Variants in SPACA7 observed in about 807,000 individuals in gnomAD.
SPACA7 encodes sperm acrosome-associated protein 7.
Under a neutral mutation model 26.3 loss-of-function variants are expected in SPACA7, and 19 were observed. The ratio of observed to expected loss-of-function variants is 0.72; its 90% CI spans 0.50 to 1.06. The LOEUF (loss-of-function observed/expected upper bound fraction) is 1.06, where lower values mean the gene tolerates loss of function less well. Among genes scored for constraint, SPACA7 ranks in the 50% least tolerant of loss-of-function variants. The pLI, the probability that SPACA7 is intolerant of heterozygous loss-of-function variation, is 0.00. For missense variants in SPACA7, 211 were observed against 229.9 expected (o/e 0.92, Z 0.53); for synonymous variants, 84 against 84.5 (o/e 0.99, Z 0.04).
intron 1 of SPACA7, among the ~76,000 whole-genome samples, chr13:112,386,296 C>T (rs2138884681): frequency 6.6e-6 from 1 of 152,254 alleles, no homozygotes; most frequent in South Asian, 2.1e-4. Flanking sequence ...TACTATTAGC[C>T]ACCCCTTAAA....
chr13:112,399,185 C>T lies in SPACA7; in HGVS notation c.349+12C>T, dbSNP rs757804294. 7.5e-7 allele frequency: 1 copy of T among 1,334,558 alleles called. No homozygotes were observed. The highest frequency in any genetic ancestry group is 1.1e-6 in the Non-Finnish European group (1 of 925,066). 82.7% of individuals were successfully genotyped at this position (1,334,558 alleles called of 1,614,324 possible). On this transcript the variant is annotated intron_variant, in intron 4 of 6. Transcript: ENST00000283550. ...AATTTCCAATGATGGTAAATGCAAC[C>T]CAGTAATTACCCCTTCCCAAGTCCA...
At chr13:112,415,997 C>T (rs776074552) in intron 5 of SPACA7, among the ~76,000 whole-genome samples, 1 of 151,976 alleles carries the variant, frequency 6.6e-6, no homozygotes, top group Non-Finnish European at 1.5e-5. Flanking sequence ...ACACTCACTT[C>T]CCTCCCTCTC....
chr13:112,422,863 G>T (rs1876120245), intron 5 of SPACA7, among the ~76,000 whole-genome samples: 1 of 152,132 alleles, frequency 6.6e-6, no homozygotes, highest in Non-Finnish European at 1.5e-5. Flanking sequence ...AATAGAAAAA[G>T]TGTTCTTGGA....
rs78881703 is a variant in SPACA7 at position 112,414,903 on chromosome 13, G to C, written c.445+13739G>C. Among the ~76,000 whole-genome samples the C allele has an allele frequency of 2.7e-3, 411 of 152,300 alleles. 3 individuals are homozygous for C. Among genetic ancestry groups the C allele is most frequent in the African/African-American group, 9.3e-3 (387 of 41,568 alleles). On this transcript the variant is annotated intron_variant, in intron 5 of 6. Coordinates refer to ENST00000283550, the MANE Select transcript of SPACA7 (RefSeq NM_145248.5). ...ACTGGTGCCTGGGCATTGAAAGTTAGATATTTATTCCAGTCATCACATGGG... is the reference window on the plus strand; with the variant it reads ...ACTGGTGCCTGGGCATTGAAAGTTACATATTTATTCCAGTCATCACATGGG...
At chr13:112,379,702 T>A (rs990947381) in intron 1 of SPACA7, among the ~76,000 whole-genome samples, 2 of 152,246 alleles carry the variant, frequency 1.3e-5, no homozygotes, top group Non-Finnish European at 2.9e-5. Flanking sequence ...TAGTTTAACA[T>A]CTTTCTTTTC....
At chr13:112,422,330 C>G (rs941419477) in intron 5 of SPACA7, among the ~76,000 whole-genome samples, 2 of 152,096 alleles carry the variant, frequency 1.3e-5, no homozygotes, top group African/African-American at 4.8e-5. Context: ...TAAAAGCAGA[C>G]AAATCTATAG....
In SPACA7 at chr13:112,376,462, C is replaced by T. The variant is rs777305307; in HGVS notation, c.77C>T (p.Pro26Leu). ...TGTTGGCAAGAAACTGAGCTCCGGC[C>T]GAGAACCGTGATTCCAGGTAGGGCC... ...LCCWQETELR[P>L]RTVIPGSPTE... Residue 26 changes from proline to leucine, a missense_variant, in exon 1 of 7, where the codon CCG becomes CTG. Transcript: ENST00000283550. The T allele has an allele frequency of 1.1e-5, 18 of 1,613,208 alleles. No individual in the cohort carries two copies. The highest frequency in any genetic ancestry group is 3.3e-4 in the Middle Eastern group (2 of 6,082).
chr13:112,416,964 G>A lies in SPACA7; in HGVS notation c.446-15480G>A, dbSNP rs563176322. Among the ~76,000 whole-genome samples, 9 of 151,974 alleles carry A rather than the reference G, an allele frequency of 5.9e-5. No individual in the cohort carries two copies. The East Asian group carries it at 1.7e-3, about 29-fold the overall frequency. On this transcript the variant is annotated intron_variant, in intron 5 of 6. Coordinates refer to ENST00000283550, the MANE Select transcript of SPACA7 (RefSeq NM_145248.5). ...AATCTTTAGACTCTTGTATGTTTAA[G>A]TTGATGTTTGATGCACACTTAGATG...
intron 5 of SPACA7, among the ~76,000 whole-genome samples, chr13:112,405,099 C>T (rs1885901229): frequency 1.3e-5 from 2 of 151,626 alleles, no homozygotes; most frequent in Non-Finnish European, 2.9e-5. Flanking sequence ...TCTCCCGCCT[C>T]AGCCTCCAGA....
intron 5 of SPACA7, among the ~76,000 whole-genome samples, chr13:112,423,313 T>G (rs1222422605): frequency 6.6e-6 from 1 of 152,162 alleles, no homozygotes; most frequent in Non-Finnish European, 1.5e-5. Flanking sequence ...AAATGGAAAT[T>G]TATAGCATTA....
chr13:112,413,330 T>C lies in SPACA7; in HGVS notation c.445+12166T>C, dbSNP rs954122684. On this transcript the variant is annotated intron_variant, in intron 5 of 6. Coordinates refer to ENST00000283550, the MANE Select transcript of SPACA7 (RefSeq NM_145248.5). ...GTATTTCTTTTTCAGGTTTGAAGGATAGCTTTGCTGAGTAGAGCATTCTTG... is the reference window on the plus strand; with the variant it reads ...GTATTTCTTTTTCAGGTTTGAAGGACAGCTTTGCTGAGTAGAGCATTCTTG... Among the ~76,000 whole-genome samples the C allele has an allele frequency of 3.3e-5, 5 of 152,060 alleles. No individual in the cohort carries two copies. In the South Asian group the frequency reaches 1.0e-3, roughly 32 times the overall value.
chr13:112,401,242 A>T (rs1228030080), intron 5 of SPACA7, 78 bp downstream of exon 5: 1 of 1,114,928 alleles, frequency 9.0e-7, no homozygotes, highest in Non-Finnish European at 1.4e-6. Flanking sequence ...GTCTCCCTCC[A>T]GCCTCGCCAG....
chr13:112,427,573 G>A (rs1876654932), intron 5 of SPACA7, among the ~76,000 whole-genome samples: 1 of 152,152 alleles, frequency 6.6e-6, no homozygotes. Context: ...AATGGGTTGG[G>A]AAGTAGTCTC....
intron 5 of SPACA7, among the ~76,000 whole-genome samples, chr13:112,419,075 T>C (rs1886863830): frequency 6.6e-6 from 1 of 150,602 alleles, no homozygotes; most frequent in Non-Finnish European, 1.5e-5. Context: ...TAATAAAAAG[T>C]GGGATCATCT....
chr13:112,380,391 G>A (rs962168745), intron 1 of SPACA7, among the ~76,000 whole-genome samples: 5 of 87,240 alleles, frequency 5.7e-5, no homozygotes, highest in Non-Finnish European at 1.0e-4. Context: ...GGCAACAAGA[G>A]CAAAACTCAG....
At chr13:112,413,120 T>A (rs924549699) in intron 5 of SPACA7, among the ~76,000 whole-genome samples, 1 of 152,210 alleles carries the variant, frequency 6.6e-6, no homozygotes, top group Non-Finnish European at 1.5e-5. Flanking sequence ...CACACCACAA[T>A]TGCAGTGTTA....
At chr13:112,388,639 C>T (rs940178882) in intron 1 of SPACA7, among the ~76,000 whole-genome samples, 4 of 152,212 alleles carry the variant, frequency 2.6e-5, no homozygotes, top group Admixed American at 6.5e-5. Flanking sequence ...TGTAACCACC[C>T]AAGGGGTTCA....
At chr13:112,392,547 C>T (rs1297117706) in intron 1 of SPACA7, among the ~76,000 whole-genome samples, 2 of 152,174 alleles carry the variant, frequency 1.3e-5, no homozygotes, top group African/African-American at 4.8e-5. Context: ...ACAATGTTTC[C>T]CATTTCCCCA....
intron 1 of SPACA7, among the ~76,000 whole-genome samples, chr13:112,390,217 C>T (rs762163271): frequency 2.0e-5 from 3 of 152,074 alleles, no homozygotes; most frequent in Non-Finnish European, 4.4e-5. Flanking sequence ...GAGAAGAGAA[C>T]TCGAGTGCAG....
Sources: allele counts gnomAD v4.1 joint callset (sites outside exome capture counted in the v4.1 genomes callset), GRCh38; gene constraint gnomAD v4.1.1; transcripts MANE v1.5; gene names NCBI Gene and HGNC (gene_info 2026-07-23, HGNC 2026-07-21).